The following ABTB3 variants were observed in gnomAD, a reference collection of about 807,000 sequenced individuals.
ABTB3 encodes the protein ankyrin repeat- and BTB/POZ domain-containing protein 3.
chr12:107,335,286 CAAAAAAAAAAAAAAAAAAAAAAAAAA>C, the ABTB3 span, among the ~76,000 whole-genome samples: 5 of 18,646 alleles, frequency 2.7e-4, no homozygotes, highest in East Asian at 1.7e-3. Flanking sequence ...GACCTTGTCT[CAAAAAAAAAAAAAAAAAAAAAAAAAA>C]AAAAAAAAAA....
the ABTB3 span, among the ~76,000 whole-genome samples, chr12:107,445,968 T>C: frequency 6.8e-6 from 1 of 147,768 alleles, no homozygotes; most frequent in Middle Eastern, 3.4e-3. Context: ...ACCCTTGTAA[T>C]TACATTGGCC....
the ABTB3 span, among the ~76,000 whole-genome samples, chr12:107,474,403 T>C: frequency 6.6e-6 from 1 of 152,096 alleles, no homozygotes; most frequent in Non-Finnish European, 1.5e-5. Context: ...TAACACGATA[T>C]TGACACATTT....
At chr12:107,481,725 G>A in the ABTB3 span, among the ~76,000 whole-genome samples, 62 of 152,284 alleles carry the variant, frequency 4.1e-4, no homozygotes, top group African/African-American at 1.4e-3. Context: ...CTTTGACACA[G>A]CTGGATCCAG....
chr12:107,606,732 G>A, the ABTB3 span, among the ~76,000 whole-genome samples: 16 of 152,276 alleles, frequency 1.1e-4, no homozygotes, highest in African/African-American at 3.9e-4. Context: ...TCACAAAGGA[G>A]CCTCTTCCAG....
the ABTB3 span, among the ~76,000 whole-genome samples, chr12:107,654,590 C>T: frequency 1.4e-4 from 22 of 152,278 alleles, no homozygotes; most frequent in East Asian, 3.1e-3. Context: ...TGAGCCACCG[C>T]GCCTGGCCTC....
At chr12:107,580,729 A>G in the ABTB3 span, 10 of 1,272,106 alleles carry the variant, frequency 7.9e-6, no homozygotes, top group Non-Finnish European at 1.1e-5. Flanking sequence ...TTGGGTCCAC[A>G]ATCAGGGAGC....
chr12:107,473,787 G>A, the ABTB3 span, among the ~76,000 whole-genome samples: 1 of 151,342 alleles, frequency 6.6e-6, no homozygotes, highest in Admixed American at 6.6e-5. Context: ...TGGGCATGAG[G>A]CCATTTCTTT....
At chr12:107,543,947 C>A in the ABTB3 span, 1 of 1,613,400 alleles carries the variant, frequency 6.2e-7, no homozygotes, top group Non-Finnish European at 8.5e-7. Flanking sequence ...GACCTGGTGT[C>A]CCGTGCAATG....
At chr12:107,361,187 G>GA in the ABTB3 span, among the ~76,000 whole-genome samples, 1 of 152,050 alleles carries the variant, frequency 6.6e-6, no homozygotes, top group African/African-American at 2.4e-5. Flanking sequence ...GTGATGAAAG[G>GA]AAAAAATGTA....
At chr12:107,516,122 A>G in the ABTB3 span, among the ~76,000 whole-genome samples, 2 of 152,032 alleles carry the variant, frequency 1.3e-5, no homozygotes, top group Non-Finnish European at 2.9e-5. Flanking sequence ...AAAATATTTG[A>G]AAAAAACAAG....
At chr12:107,362,704 G>A in the ABTB3 span, among the ~76,000 whole-genome samples, 3 of 151,916 alleles carry the variant, frequency 2.0e-5, no homozygotes, top group Non-Finnish European at 4.4e-5. Flanking sequence ...GAGGTGGGAG[G>A]ATTGCTTGAG....
the ABTB3 span, among the ~76,000 whole-genome samples, chr12:107,329,491 T>C: frequency 6.6e-6 from 1 of 152,206 alleles, no homozygotes; most frequent in East Asian, 1.9e-4. Flanking sequence ...TCATCATCAT[T>C]ATTATTAAGT....
chr12:107,337,755 C>T, the ABTB3 span, among the ~76,000 whole-genome samples: 1 of 152,234 alleles, frequency 6.6e-6, no homozygotes, highest in African/African-American at 2.4e-5. Context: ...GCTCTGATGA[C>T]ACCAAAACTG....
chr12:107,323,302 C>A, the ABTB3 span, among the ~76,000 whole-genome samples: 1 of 152,240 alleles, frequency 6.6e-6, no homozygotes, highest in Non-Finnish European at 1.5e-5. Flanking sequence ...CTTCTTACTG[C>A]CATTTCTGTA....
chr12:107,594,217 A>G, the ABTB3 span, among the ~76,000 whole-genome samples: 2 of 152,212 alleles, frequency 1.3e-5, no homozygotes, highest in Non-Finnish European at 2.9e-5. Context: ...TCACATGACA[A>G]CACATTCAGA....
the ABTB3 span, among the ~76,000 whole-genome samples, chr12:107,656,178 C>G: frequency 6.6e-6 from 1 of 151,186 alleles, no homozygotes; most frequent in Non-Finnish European, 1.5e-5. Context: ...GCGCACACCT[C>G]TAGTCCCAGC....
At chr12:107,642,069 CTTT>C in the ABTB3 span, 1 of 1,609,182 alleles carries the variant, frequency 6.2e-7, no homozygotes, top group Admixed American at 1.7e-5. Context: ...TTTTTTATCT[CTTT>C]TTTATGTCCT....
chr12:107,508,221 T>C, the ABTB3 span, among the ~76,000 whole-genome samples: 1 of 151,880 alleles, frequency 6.6e-6, no homozygotes, highest in African/African-American at 2.4e-5. Context: ...GAGTAGCACA[T>C]AGGAGATGCT....
At chr12:107,347,204 C>T in the ABTB3 span, among the ~76,000 whole-genome samples, 984 of 152,230 alleles carry the variant, frequency 6.5e-3, 12 homozygotes, top group African/African-American at 0.023. Flanking sequence ...TAGTGCAAAC[C>T]AATTACATTC....
Sources: allele counts gnomAD v4.1 joint callset (sites outside exome capture counted in the v4.1 genomes callset), GRCh38; gene constraint gnomAD v4.1.1; transcripts MANE v1.5; gene names NCBI Gene and HGNC (gene_info 2026-07-23, HGNC 2026-07-21).